Variants in TENT4A observed in about 807,000 individuals in gnomAD.
The protein encoded by TENT4A is DNA polymerase kappa.
A neutral mutation model predicts 72.8 loss-of-function variants in TENT4A; 7 were observed. That is an observed-to-expected ratio of 0.10 (90% CI 0.05 to 0.18). The LOEUF (loss-of-function observed/expected upper bound fraction) is 0.18. Among genes scored for constraint, TENT4A ranks in the 10% least tolerant of loss-of-function variants. The pLI, the probability that TENT4A is intolerant of heterozygous loss-of-function variation, is 1.00. For synonymous variants in TENT4A, 456 were observed against 434.3 expected (o/e 1.05, Z -0.62); for missense variants, 831 against 1,017.7 (o/e 0.82, Z 2.50).
At chr5:6,717,135 TG>T in intron 1 of TENT4A, among the ~76,000 whole-genome samples, 1 of 152,374 alleles carries the variant, frequency 6.6e-6, no homozygotes, top group Admixed American at 6.5e-5. Flanking sequence ...CTAACCTTTT[TG>T]TATCAATAAA....
intron 1 of TENT4A, among the ~76,000 whole-genome samples, chr5:6,728,659 G>A (rs998287240): frequency 6.6e-6 from 1 of 152,226 alleles, no homozygotes; most frequent in African/African-American, 2.4e-5. Context: ...GGCCTGTGGT[G>A]CTGGGCGGCA....
intron 1 of TENT4A, among the ~76,000 whole-genome samples, chr5:6,719,744 G>A (rs370610113): frequency 1.2e-4 from 19 of 152,284 alleles, no homozygotes; most frequent in African/African-American, 4.6e-4. Context: ...CCCAACACTG[G>A]GGATGCACAC....
In TENT4A at chr5:6,714,231, C is replaced by T. The variant is rs1020887001; in HGVS notation, c.248C>T (p.Ala83Val). Residue 83 changes from alanine (A) to valine (V), a missense_variant, in exon 1 of 13, where the codon GCG (alanine) becomes GTG (valine). By Grantham distance (64) the Ala-to-Val change is moderately conservative. Around this residue, in one of 3 missense-constraint regions of TENT4A, gnomAD observed 302 missense variants for 293.8 expected, o/e 1.03. Transcript: ENST00000230859. ...CCGCCCGGCCCCACCGCGCCCGCCG[C>T]GCTGCCCCCCGCGCTGCTGACGGCG... ...PPPPGPTAPA[A>V]LPPALLTALG... is the part of the protein sequence containing the mutation. The T allele has an allele frequency of 2.3e-5, 23 of 997,080 alleles. No homozygotes were observed. In the African/African-American group the frequency reaches 3.9e-4, roughly 17 times the overall value. 61.8% of individuals were successfully genotyped at this position (997,080 alleles called of 1,614,324 possible). A position where few individuals can be genotyped will look rare whatever the true frequency, so the allele number is the denominator to read the frequency against.
chr5:6,714,806 G>GTTGAA, intron 1 of TENT4A, 107 bp downstream of exon 1: 1 of 517,320 alleles, frequency 1.9e-6, no homozygotes, highest in Non-Finnish European at 2.8e-6. Flanking sequence ...GAGGATGGAT[G>GTTGAA]TTGAAGGCTA....
intron 6 of TENT4A, 128 bp from the exon 7 acceptor site, chr5:6,746,086 G>GT (rs1742080540): frequency 6.5e-7 from 1 of 1,536,992 alleles, no homozygotes; most frequent in Non-Finnish European, 8.7e-7. Context: ...CGTGGTGCTG[G>GT]TGAGTGAGCG....
chr5:6,754,741 C>T lies in TENT4A; in HGVS notation c.2185-10C>T. 1 of 1,562,490 alleles carries T rather than the reference C, an allele frequency of 6.4e-7. No individual in the cohort carries two copies. The highest frequency in any genetic ancestry group is 8.7e-7 in the Non-Finnish European group (1 of 1,145,106). ...CTGGCTCCAACACTGCTGTCTCTCT[C>T]TTTCTCCAGCAGCACAACGGCATGA... On this transcript the variant is annotated splice_polypyrimidine_tract_variant and intron_variant, in intron 12 of 12. Coordinates refer to ENST00000230859, the MANE Select transcript of TENT4A (RefSeq NM_006999.6).
rs776805220 is a variant in TENT4A at position 6,754,807 on chromosome 5, C to T, written c.2241C>T (p.Gly747=). Reference sequence around the variant, plus strand: ...GCTCTCACGGCCACACCCAAGGCGGCGGCTACAGCTCTGTGGGTAGCGGAG... The same window carrying T: ...GCTCTCACGGCCACACCCAAGGCGGTGGCTACAGCTCTGTGGGTAGCGGAG... ...MKGSHGHTQG[G]GYSSVGSGGV... is the part of the protein sequence containing the mutation. The change falls in exon 13 of 13, where the codon GGC becomes GGT. Residue 747 remains glycine (G), a synonymous_variant. Transcript: ENST00000230859. 5.6e-6 allele frequency: 9 copies of T among 1,601,876 alleles called. No individual in the cohort carries two copies. Among genetic ancestry groups the T allele is most frequent in the African/African-American group, 1.3e-5 (1 of 74,714 alleles).
At position 6,752,888 on chromosome 5, in the gene TENT4A, C is replaced by G; in HGVS notation, c.2035C>G (p.Pro679Ala). The G allele has an allele frequency of 6.2e-7, 1 of 1,613,862 alleles. No individual in the cohort carries two copies. Among genetic ancestry groups the G allele is most frequent in the Non-Finnish European group, 8.5e-7 (1 of 1,179,794 alleles). The change falls in exon 12 of 13, where the codon CCT becomes GCT. Residue 679 changes from proline to alanine, a missense_variant. Physicochemically the swap from Pro to Ala is conservative, Grantham distance 27. This residue lies in a region of TENT4A where 332 missense variants were observed against 324.3 expected (regional missense o/e 1.02). Transcript: ENST00000230859. Reference protein sequence around the residue: ...TTNNQTRFTIPPPTLGVAPVP... With the variant: ...TTNNQTRFTIAPPTLGVAPVP... ...TTGTTCCTAGACCAGGTTTACTATA[C>G]CTCCACCGACCCTAGGGGTTGCTCC...
At chr5:6,717,756 C>T (rs1303347656) in intron 1 of TENT4A, among the ~76,000 whole-genome samples, 1 of 152,240 alleles carries the variant, frequency 6.6e-6, no homozygotes. Flanking sequence ...GGCCCTGGGC[C>T]CTTTGCATCC....
At chr5:6,748,633 G>A (rs752813252) in intron 8 of TENT4A, 43 bp downstream of exon 8, 10 of 1,587,858 alleles carry the variant, frequency 6.3e-6, no homozygotes, top group Admixed American at 1.7e-5. Flanking sequence ...CGTGCCTGTG[G>A]GATGGTACTT....
chr5:6,730,097 C>T (rs533458074), intron 1 of TENT4A, among the ~76,000 whole-genome samples: 4 of 29,126 alleles, frequency 1.4e-4, no homozygotes, highest in South Asian at 1.2e-3. Flanking sequence ...GTTTCTCCGC[C>T]CCCCCCCGGA....
intron 1 of TENT4A, among the ~76,000 whole-genome samples, chr5:6,736,317 T>G (rs1472950749): frequency 6.6e-6 from 1 of 152,164 alleles, no homozygotes; most frequent in Non-Finnish European, 1.5e-5. Flanking sequence ...AGCCAAACTG[T>G]AGGCTGATGC....
intron 11 of TENT4A, among the ~76,000 whole-genome samples, chr5:6,752,033 AAGTGTAAAATTCAGGGGCAATT>A (rs1742434148): frequency 6.6e-6 from 1 of 152,224 alleles, no homozygotes; most frequent in African/African-American, 2.4e-5. Flanking sequence ...ATTGCAGCAT[AAGTGTAAAATTCAGGGGCAATT>A]ATTTACACTC....
chr5:6,747,002 G>A (rs964168724), intron 7 of TENT4A, among the ~76,000 whole-genome samples: 12 of 152,168 alleles, frequency 7.9e-5, no homozygotes, highest in African/African-American at 2.7e-4. Flanking sequence ...GTATTCAGGG[G>A]TATTTATGTC....
In TENT4A at chr5:6,746,028, G is replaced by T; in HGVS notation, c.1246-186G>T. ...ACTAAAATTCAGATGAGTCCGTTGTGTTCCTTTTGAACACTCCTCGTTGAA... is the reference window on the plus strand; with the variant it reads ...ACTAAAATTCAGATGAGTCCGTTGTTTTCCTTTTGAACACTCCTCGTTGAA... On this transcript the variant is annotated intron_variant, in intron 6 of 12. Coordinates refer to ENST00000230859, the MANE Select transcript of TENT4A (RefSeq NM_006999.6). 4 of 1,448,350 alleles carry T rather than the reference G, an allele frequency of 2.8e-6. No individual in the cohort carries two copies. In the Middle Eastern group the frequency reaches 7.4e-4, roughly 269 times the overall value. The allele number at this position is 1,448,350 out of a possible 1,614,324, so 89.7% of individuals were successfully genotyped here. A position where few individuals can be genotyped will look rare whatever the true frequency, so the allele number is the denominator to read the frequency against.
Position 6,746,447 on chromosome 5 carries a change from C to G in TENT4A, c.1459+20C>G, listed in dbSNP as rs376851348. On this transcript the variant is annotated intron_variant, in intron 7 of 12. Coordinates refer to ENST00000230859, the MANE Select transcript of TENT4A (RefSeq NM_006999.6). ...TGCCAGGTAAGGGCGCCCTGATCTC[C>G]ACTGCTGAGAGCTGGGCCAGCCTCG... 1 of 1,611,058 alleles carries G rather than the reference C, an allele frequency of 6.2e-7. No individual in the cohort carries two copies. Among genetic ancestry groups the G allele is most frequent in the Non-Finnish European group, 8.5e-7 (1 of 1,177,472 alleles).
chr5:6,745,512 C>T (rs923679037), intron 6 of TENT4A, among the ~76,000 whole-genome samples: 4 of 152,148 alleles, frequency 2.6e-5, no homozygotes, highest in African/African-American at 9.7e-5. Flanking sequence ...GAGCAACAAG[C>T]TGGATTTTTA....
In TENT4A at chr5:6,755,155, G is replaced by T. The variant is rs1050580979; in HGVS notation, c.*210G>T. ...TCATCTGTGAAGCCTTATTAAACGT[G>T]GACGTTGTTTTCTGCCTTCCCAGGA... On this transcript the variant is annotated 3_prime_UTR_variant, in exon 13 of 13. Coordinates refer to ENST00000230859, the MANE Select transcript of TENT4A (RefSeq NM_006999.6). The T allele has an allele frequency of 1.6e-5, 7 of 425,400 alleles. No individual in the cohort carries two copies. The highest frequency in any genetic ancestry group is 8.5e-5 in the Admixed American group (2 of 23,476). 26.4% of individuals were successfully genotyped at this position (425,400 alleles called of 1,614,324 possible). A position where few individuals can be genotyped will look rare whatever the true frequency, so the allele number is the denominator to read the frequency against.
chr5:6,720,918 G>C (rs187581589), intron 1 of TENT4A, among the ~76,000 whole-genome samples: 37 of 152,184 alleles, frequency 2.4e-4, no homozygotes, highest in Admixed American at 2.3e-3. Flanking sequence ...CAGAAGATGT[G>C]GGGAACACTT....
Sources: allele counts gnomAD v4.1 joint callset (sites outside exome capture counted in the v4.1 genomes callset), GRCh38; gene constraint gnomAD v4.1.1; regional missense constraint gnomAD v4.1.1; transcripts MANE v1.5; gene names NCBI Gene and HGNC (gene_info 2026-07-23, HGNC 2026-07-21).